Variants in LIG3 observed in about 807,000 individuals in gnomAD.
LIG3 encodes DNA ligase 3, also known as ligase II, DNA, ATP-dependent.
In LIG3, 58 loss-of-function variants were observed where a neutral mutation model predicts 110.9. The ratio of observed to expected loss-of-function variants is 0.52; its 90% confidence interval spans 0.42 to 0.65. The LOEUF (loss-of-function observed/expected upper bound fraction) is 0.65, where lower values mean the gene tolerates loss of function less well. Among genes scored for constraint, LIG3 ranks in the 30% least tolerant of loss-of-function variants. The probability of loss-of-function intolerance (pLI) is 0.00; values close to 1 mark genes in which losing one functional copy is unlikely to be tolerated. For missense variants in LIG3, 1,094 were observed against 1,273.8 expected (o/e 0.86, Z 2.15); for synonymous variants, 422 against 472.8 (o/e 0.89, Z 1.39).
At position 35,009,693 on chromosome 17, in the gene LIG3, T is replaced by G. The variant is rs1385056264; in HGVS notation, c.*5187T>G. Reference sequence around the variant, plus strand: ...GCAAAATGAGTAAACAACCTCAGTTTTAATTCTTACTGAGGTTACTAACCA... The same window carrying G: ...GCAAAATGAGTAAACAACCTCAGTTGTAATTCTTACTGAGGTTACTAACCA... On this transcript the variant is annotated 3_prime_UTR_variant, in exon 20 of 20. Transcript: ENST00000378526. 1.3e-5 allele frequency: 2 copies of G among 152,216 alleles called. No individual in the cohort carries two copies. Among genetic ancestry groups the G allele is most frequent in the East Asian group, 3.8e-4 (2 of 5,196 alleles). 9.4% of individuals were successfully genotyped at this position (152,216 alleles called of 1,614,324 possible).
Position 34,999,770 on chromosome 17 carries a change from T to A in LIG3, c.2257-12T>A, listed in dbSNP as rs1012916101. Reference sequence around the variant, plus strand: ...TTGGGAACAGCCCAAAGTAGCATCTTTTCTCCTCTAGGACCCCAGCAAAAT... The same window carrying A: ...TTGGGAACAGCCCAAAGTAGCATCTATTCTCCTCTAGGACCCCAGCAAAAT... On this transcript the variant is annotated splice_polypyrimidine_tract_variant and intron_variant, in intron 15 of 19. Transcript: ENST00000378526. 1 of 1,612,902 alleles carries A rather than the reference T, an allele frequency of 6.2e-7. No individual in the cohort carries two copies.
At chr17:35,000,929 C>CT (rs934591018) in intron 16 of LIG3, among the ~76,000 whole-genome samples, 3 of 149,320 alleles carry the variant, frequency 2.0e-5, no homozygotes, top group African/African-American at 7.4e-5. Context: ...TTGCTTCTCC[C>CT]TTTTTTTGAG....
At chr17:34,997,590 A>G in intron 11 of LIG3, 148 bp from the exon 12 acceptor site, 1 of 629,980 alleles carries the variant, frequency 1.6e-6, no homozygotes, top group South Asian at 1.8e-5. Context: ...GTAGCCCTTG[A>G]CAGCAGAACT....
chr17:35,004,975 TTC>T lies in LIG3; in HGVS notation c.*471_*472del. 1 of 279,068 alleles carries T rather than the reference TTC, an allele frequency of 3.6e-6. No individual in the cohort carries two copies. The highest frequency in any genetic ancestry group is 7.0e-6 in the Non-Finnish European group (1 of 142,740). The allele number at this position is 279,068 out of a possible 1,614,324, so 17.3% of individuals were successfully genotyped here. A position where few individuals can be genotyped will look rare whatever the true frequency, so the allele number is the denominator to read the frequency against. On this transcript the variant is annotated 3_prime_UTR_variant, in exon 20 of 20. Transcript: ENST00000378526. ...TTTAAAGGACTGCCCTCGGAAATGCTTCTGTTTAGCGGAACTTGTATTCAGCC... is the reference window on the plus strand; with the variant it reads ...TTTAAAGGACTGCCCTCGGAAATGCTTGTTTAGCGGAACTTGTATTCAGCC...
At chr17:34,999,512 G>A in intron 15 of LIG3, 63 bp downstream of exon 15, 6 of 1,564,560 alleles carry the variant, frequency 3.8e-6, no homozygotes, top group East Asian at 2.3e-5. Context: ...GACAGAGGCT[G>A]TGCTTTGGGG....
rs760812733 is a variant in LIG3, at chr17:34,983,127, C to G, written c.122C>G (p.Thr41Arg). ...AGACAATTCAGCCAGTGGTCAGAAA[C>G]AGATCTGCTTCATGGACATCCCCTC... is the stretch of plus-strand genomic sequence containing the variant. The part of the protein sequence containing the change: ...DVRQFSQWSE[T>R]DLLHGHPLFL... The change falls in exon 2 of 20, where the codon ACA becomes AGA. Residue 41 changes from threonine (T) to arginine (R), a missense_variant. By Grantham distance (71) the Thr-to-Arg change is moderately conservative. Transcript: ENST00000378526. 1.2e-6 allele frequency: 2 copies of G among 1,614,170 alleles called. No homozygotes were observed. Among genetic ancestry groups the G allele is most frequent in the Non-Finnish European group, 1.7e-6 (2 of 1,180,020 alleles).
rs73284961 is a variant in LIG3 at position 35,001,442 on chromosome 17, C to T, written c.2478+39C>T. On this transcript the variant is annotated intron_variant, in intron 17 of 19. Transcript: ENST00000378526. ...GGCTGTATATGTATTCTCCACCCCA[C>T]TGTCCAGGCCTTGGAGCCTTGGGCA... 166 of 1,594,200 alleles carry T rather than the reference C, an allele frequency of 1.0e-4. No individual in the cohort carries two copies. The African/African-American group carries it at 2.0e-3, about 19-fold the overall frequency.
At chr17:34,999,522 G>A (rs2090817355) in intron 15 of LIG3, 73 bp downstream of exon 15, 29 of 1,541,542 alleles carry the variant, frequency 1.9e-5, no homozygotes, top group Non-Finnish European at 2.5e-5. Flanking sequence ...GTGCTTTGGG[G>A]ACTACAGGTA....
chr17:34,996,677 C>T, intron 11 of LIG3, 24 bp downstream of exon 11: 2 of 1,574,398 alleles, frequency 1.3e-6, no homozygotes, highest in Non-Finnish European at 1.7e-6. Context: ...CATCTTTAAA[C>T]CCAGAAACTG....
At chr17:34,982,785 C>T (rs960400610) in intron 1 of LIG3, among the ~76,000 whole-genome samples, 1 of 152,050 alleles carries the variant, frequency 6.6e-6, no homozygotes, top group Non-Finnish European at 1.5e-5. Flanking sequence ...ACTAGATGTA[C>T]ATGTGTGCAT....
At chr17:34,999,483 G>A in intron 15 of LIG3, 34 bp downstream of exon 15, 2 of 1,601,398 alleles carry the variant, frequency 1.2e-6, no homozygotes, top group Non-Finnish European at 1.7e-6. Flanking sequence ...ATGGCCTCTG[G>A]ACTGGCCGCC....
At chr17:34,992,175 C>T (rs1291858645) in intron 7 of LIG3, 140 bp downstream of exon 7, 2 of 750,120 alleles carry the variant, frequency 2.7e-6, no homozygotes, top group Non-Finnish European at 4.5e-6. Context: ...CCTGATCTGT[C>T]ACTTGACCTG....
chr17:34,995,391 C>A (rs1028695060), intron 9 of LIG3, among the ~76,000 whole-genome samples: 3 of 152,154 alleles, frequency 2.0e-5, no homozygotes, highest in Non-Finnish European at 4.4e-5. Flanking sequence ...CATCTGTGAC[C>A]CAGGAAGAAG....
In LIG3 at chr17:34,983,238, A is replaced by C. The variant is rs868108751; in HGVS notation, c.233A>C (p.His78Pro). 2 of 1,614,180 alleles carry C rather than the reference A, an allele frequency of 1.2e-6. No homozygotes were observed. Among genetic ancestry groups the C allele is most frequent in the Non-Finnish European group, 1.7e-6 (2 of 1,180,024 alleles). Residue 78 changes from histidine to proline, a missense_variant, in exon 2 of 20, where the codon CAT becomes CCT. His to Pro is a moderately conservative substitution (Grantham distance 77). Transcript: ENST00000378526. ...ATYLVFLPGL[H>P]VGLCSGPCEM... ...TACCTTGTTTTCTTGCCAGGGTTGCATGTGGGACTCTGCAGTGGCCCCTGT... is the reference window on the plus strand; with the variant it reads ...TACCTTGTTTTCTTGCCAGGGTTGCCTGTGGGACTCTGCAGTGGCCCCTGT...
intron 2 of LIG3, among the ~76,000 whole-genome samples, chr17:34,985,457 C>G (rs937467255): frequency 6.6e-6 from 1 of 152,274 alleles, no homozygotes; most frequent in Middle Eastern, 3.4e-3. Flanking sequence ...CTATTGGCCT[C>G]GGCCTTTGTT....
rs555743107 is a variant in LIG3 at position 34,990,394 on chromosome 17, C to A, written c.890-569C>A. Among the ~76,000 whole-genome samples the A allele has an allele frequency of 3.2e-4, 48 of 152,272 alleles. No individual in the cohort carries two copies. The South Asian group carries it at 9.5e-3, about 30-fold the overall frequency. ...TCCTGGGCTCAAGCAGTCCTTCTGC[C>A]TCAGCCTCCCAAGTAGCTGGGACTA... On this transcript the variant is annotated intron_variant, in intron 4 of 19. Transcript: ENST00000378526.
In LIG3 at chr17:35,005,921, A is replaced by G. The variant is rs1597806906; in HGVS notation, c.*1415A>G. ...CGGACTAGAATTTCTTCTTGGTATC[A>G]GAGAGACAAGTTTATCACAGTATTT... is the stretch of plus-strand genomic sequence containing the variant. On this transcript the variant is annotated 3_prime_UTR_variant, in exon 20 of 20. Transcript: ENST00000378526. The G allele has an allele frequency of 3.1e-6, 1 of 319,442 alleles. No individual in the cohort carries two copies. The highest frequency in any genetic ancestry group is 6.1e-6 in the Non-Finnish European group (1 of 165,212). 19.8% of individuals were successfully genotyped at this position (319,442 alleles called of 1,614,324 possible).
chr17:34,988,906 TG>T (rs2090687292), intron 3 of LIG3, among the ~76,000 whole-genome samples: 1 of 152,188 alleles, frequency 6.6e-6, no homozygotes, highest in African/African-American at 2.4e-5. Context: ...TGACAACCTG[TG>T]ATAGCAGTAA....
chr17:34,992,758 C>A, intron 8 of LIG3, 66 bp downstream of exon 8: 1 of 1,455,432 alleles, frequency 6.9e-7, no homozygotes, highest in South Asian at 1.4e-5. Flanking sequence ...GGGCTGAGAT[C>A]AGATAGGGTA....
Sources: gnomAD v4.1 joint callset for allele counts (sites outside exome capture counted in the v4.1 genomes callset) on GRCh38, gnomAD v4.1.1 for gene constraint, MANE v1.5 for transcripts, NCBI Gene and HGNC (gene_info 2026-07-23, HGNC 2026-07-21) for gene names.